Variants in SCFD2 observed in about 807,000 individuals in gnomAD.
SCFD2 encodes sec1 family domain-containing protein 2.
In SCFD2, 54 loss-of-function variants were observed where a neutral mutation model predicts 58.9. The observed-to-expected ratio is 0.92, with a 90% CI of 0.74 to 1.15. The LOEUF is 1.15. Ranked by LOEUF, SCFD2 falls within the 50% of genes most tolerant of loss-of-function variation. The probability of loss-of-function intolerance (pLI) is 0.00; values close to 1 mark genes in which losing one functional copy is unlikely to be tolerated. For missense variants in SCFD2, 805 were observed against 836.6 expected (o/e 0.96, Z 0.47); for synonymous variants, 321 against 335.9 (o/e 0.96, Z 0.49).
intron 5 of SCFD2, among the ~76,000 whole-genome samples, chr4:52,927,117 G>T (rs767479180): frequency 2.0e-5 from 3 of 152,080 alleles, no homozygotes; most frequent in Non-Finnish European, 2.9e-5. Context: ...AATAAGCTTG[G>T]ACTGATGTGT....
intron 8 of SCFD2, among the ~76,000 whole-genome samples, chr4:52,884,892 A>G (rs1718698639): frequency 6.6e-6 from 1 of 152,182 alleles, no homozygotes; most frequent in African/African-American, 2.4e-5. Context: ...GTTCTGAGCC[A>G]GGCACAGTGC....
intron 5 of SCFD2, among the ~76,000 whole-genome samples, chr4:53,098,144 C>A (rs994207925): frequency 6.6e-6 from 1 of 152,106 alleles, no homozygotes; most frequent in Non-Finnish European, 1.5e-5. Flanking sequence ...ATTTTTGCAT[C>A]GATGTTCATC....
chr4:53,096,825 T>G (rs1724652171), intron 5 of SCFD2, among the ~76,000 whole-genome samples: 2 of 152,218 alleles, frequency 1.3e-5, no homozygotes, highest in Admixed American at 6.5e-5. Flanking sequence ...CTAGGTTTTC[T>G]TCTAGGGTTT....
intron 5 of SCFD2, among the ~76,000 whole-genome samples, chr4:53,107,790 C>T (rs567452182): frequency 1.3e-5 from 2 of 152,248 alleles, no homozygotes; most frequent in East Asian, 1.9e-4. Flanking sequence ...GACTTTAACA[C>T]CCCACTGTCA....
intron 5 of SCFD2, among the ~76,000 whole-genome samples, chr4:52,975,035 A>G (rs1721213654): frequency 1.3e-5 from 2 of 152,244 alleles, no homozygotes; most frequent in African/African-American, 4.8e-5. Context: ...TGAATTAAAG[A>G]CTTAAATGTT....
chr4:53,272,878 G>GA (rs904919444), intron 4 of SCFD2, among the ~76,000 whole-genome samples: 1 of 151,858 alleles, frequency 6.6e-6, no homozygotes, highest in African/African-American at 2.4e-5. Flanking sequence ...AACCTTGAGA[G>GA]AAAAAAGCAA....
At chr4:52,927,730 C>T (rs561897009) in intron 5 of SCFD2, among the ~76,000 whole-genome samples, 1 of 151,884 alleles carries the variant, frequency 6.6e-6, no homozygotes, top group Non-Finnish European at 1.5e-5. Flanking sequence ...CTGGGAAGAG[C>T]AGGTGTGCAC....
chr4:53,012,341 A>ATC (rs368371321), intron 5 of SCFD2, among the ~76,000 whole-genome samples: 2 of 144,486 alleles, frequency 1.4e-5, no homozygotes, highest in African/African-American at 5.2e-5. Flanking sequence ...TTAGCATAAA[A>ATC]TCTCTCTCTC....
At chr4:53,232,067 T>C (rs932560665) in intron 4 of SCFD2, among the ~76,000 whole-genome samples, 9 of 152,110 alleles carry the variant, frequency 5.9e-5, no homozygotes, top group Non-Finnish European at 1.2e-4. Context: ...CAACAAAAAT[T>C]AGTAACAAGA....
At chr4:53,325,068 A>T (rs1733144933) in intron 2 of SCFD2, among the ~76,000 whole-genome samples, 1 of 152,060 alleles carries the variant, frequency 6.6e-6, no homozygotes, top group Non-Finnish European at 1.5e-5. Flanking sequence ...ACCCTAACCC[A>T]CCTTGCAATA....
intron 5 of SCFD2, among the ~76,000 whole-genome samples, chr4:53,020,207 C>T (rs1722312475): frequency 1.3e-5 from 2 of 152,202 alleles, no homozygotes; most frequent in Non-Finnish European, 1.5e-5. Flanking sequence ...TTTAATGTGT[C>T]TGTAACAGTA....
chr4:53,065,175 G>T (rs1723622292), intron 5 of SCFD2, among the ~76,000 whole-genome samples: 2 of 152,020 alleles, frequency 1.3e-5, no homozygotes, highest in African/African-American at 4.8e-5. Context: ...AATAATAACT[G>T]CACAAATGAC....
chr4:52,944,309 T>G (rs301101), intron 5 of SCFD2, among the ~76,000 whole-genome samples: 126,339 of 152,100 alleles, frequency 0.83, 53,159 homozygotes, highest in East Asian at 0.99. Context: ...TATACCAAAA[T>G]GTCTCTGGTT....
intron 7 of SCFD2, 115 bp downstream of exon 7, chr4:52,907,342 A>C: frequency 3.8e-6 from 4 of 1,059,618 alleles, no homozygotes; most frequent in Admixed American, 4.3e-5. Flanking sequence ...AGAAGAGCCA[A>C]AATACCAAAT....
At chr4:53,334,924 C>T (rs931216740) in intron 2 of SCFD2, among the ~76,000 whole-genome samples, 5 of 152,168 alleles carry the variant, frequency 3.3e-5, no homozygotes, top group African/African-American at 7.2e-5. Flanking sequence ...AGGCAGGGCG[C>T]GATGGCTCAC....
At chr4:53,267,475 A>G (rs946592022) in intron 4 of SCFD2, among the ~76,000 whole-genome samples, 5 of 152,254 alleles carry the variant, frequency 3.3e-5, no homozygotes, top group African/African-American at 7.2e-5. Context: ...GTAAGGACCC[A>G]GAAGTGACTG....
intron 2 of SCFD2, among the ~76,000 whole-genome samples, chr4:53,322,788 T>C (rs1354867775): frequency 6.6e-6 from 1 of 152,382 alleles, no homozygotes; most frequent in Non-Finnish European, 1.5e-5. Context: ...CATTAGTACA[T>C]GATCCAGTAC....
chr4:53,280,017 C>G (rs182397482), intron 3 of SCFD2, among the ~76,000 whole-genome samples: 1 of 152,338 alleles, frequency 6.6e-6, no homozygotes, highest in East Asian at 1.9e-4. Context: ...CTAACCACAT[C>G]AGAAGCTATT....
intron 5 of SCFD2, among the ~76,000 whole-genome samples, chr4:53,133,110 C>A (rs937811603): frequency 5.3e-5 from 8 of 152,010 alleles, no homozygotes; most frequent in African/African-American, 1.4e-4. Context: ...GGGTGGATCA[C>A]AAGGTCAGGA....
Sources: allele counts gnomAD v4.1 joint callset (sites outside exome capture counted in the v4.1 genomes callset), GRCh38; gene constraint gnomAD v4.1.1; transcripts MANE v1.5; gene names NCBI Gene and HGNC (gene_info 2026-07-23, HGNC 2026-07-21).